Variants in CBX1 observed in about 807,000 individuals in gnomAD.
CBX1 encodes the protein chromobox protein homolog 1.
CBX1 carries 10 observed loss-of-function variants against 25.1 expected under a neutral mutation model. The observed-to-expected ratio is 0.40, with a 90% CI of 0.25 to 0.68. CBX1 has a LOEUF of 0.68. CBX1 is among the 30% of genes least tolerant of loss of function. The pLI is 0.40. For synonymous variants in CBX1, 63 were observed against 79.4 expected (o/e 0.79, Z 1.10); for missense variants, 106 against 218.5 (o/e 0.49, Z 3.25).
intron 1 of CBX1, among the ~76,000 whole-genome samples, chr17:48,087,418 A>G (rs1378810394): frequency 6.7e-6 from 1 of 149,858 alleles, no homozygotes; most frequent in East Asian, 2.0e-4. Flanking sequence ...TACTAAAAAT[A>G]CAAAAATTAG....
rs1017190857 is a variant in CBX1, at chr17:48,101,464, C to G, written c.-234G>C. On this transcript the variant is annotated 5_prime_UTR_variant, in exon 1 of 5. Transcript: ENST00000225603. The stretch of plus-strand genomic sequence containing the variant: ...GAACAAAAGAGCCTCGCAGTCTGCG[C>G]TGCCCGCCGCTCGCACCGCGCAGGC... 1.0e-6 allele frequency: 1 copy of G among 985,572 alleles called. No individual in the cohort carries two copies. The highest frequency in any genetic ancestry group is 1.7e-5 in the African/African-American group (1 of 57,260). 61.1% of individuals were successfully genotyped at this position (985,572 alleles called of 1,614,324 possible).
intron 1 of CBX1, among the ~76,000 whole-genome samples, chr17:48,080,942 A>AT (rs2037726591): frequency 1.0e-4 from 5 of 49,710 alleles, no homozygotes; most frequent in Non-Finnish European, 1.0e-4. Flanking sequence ...AAAAAAAAAA[A>AT]AAAAAAAAAA....
intron 1 of CBX1, among the ~76,000 whole-genome samples, chr17:48,080,314 A>T (rs1420941727): frequency 6.6e-6 from 1 of 152,172 alleles, no homozygotes; most frequent in African/African-American, 2.4e-5. Context: ...TGGAATTAAC[A>T]GGCATGAGCT....
At chr17:48,080,975 TATATATATATATATATATAA>T (rs1170706067) in intron 1 of CBX1, among the ~76,000 whole-genome samples, 2,950 of 82,894 alleles carry the variant, frequency 0.036, 95 homozygotes, top group Middle Eastern at 0.06. Context: ...TATATATATA[TATATATATATATATATATAA>T]AATTTGTCTT....
rs1016015229 is a variant in CBX1 at position 48,101,360 on chromosome 17, A to T, written c.-130T>A. On this transcript the variant is annotated 5_prime_UTR_variant, in exon 1 of 5. Transcript: ENST00000225603. ...CTGGGGGAGTGGCGCCCAGGAAGGC[A>T]GCAAGCCGGGTGGCCGCAGTGGCGT... The T allele has an allele frequency of 5.1e-6, 5 of 985,866 alleles. No homozygotes were observed. The highest frequency in any genetic ancestry group is 6.0e-6 in the Non-Finnish European group (5 of 830,154). The allele number at this position is 985,866 out of a possible 1,614,324, so 61.1% of individuals were successfully genotyped here. A position where few individuals can be genotyped will look rare whatever the true frequency, so the allele number is the denominator to read the frequency against.
chr17:48,079,094 GCT>G (rs2037706809), intron 1 of CBX1, among the ~76,000 whole-genome samples: 1 of 151,122 alleles, frequency 6.6e-6, no homozygotes, highest in African/African-American at 2.4e-5. Flanking sequence ...ACCGAACCCA[GCT>G]CCAGCCCCGG....
intron 1 of CBX1, among the ~76,000 whole-genome samples, chr17:48,085,659 G>A (rs1264275784): frequency 2.6e-5 from 4 of 152,008 alleles, no homozygotes; most frequent in Non-Finnish European, 4.4e-5. Context: ...GGTTTTTAAT[G>A]CCCCAGCAGT....
At chr17:48,079,273 T>C (rs1393744317) in intron 1 of CBX1, among the ~76,000 whole-genome samples, 1 of 151,026 alleles carries the variant, frequency 6.6e-6, no homozygotes, top group Non-Finnish European at 1.5e-5. Flanking sequence ...GCCCAGCTAG[T>C]TTTTGTTTTT....
At chr17:48,082,120 C>T (rs141971134) in intron 1 of CBX1, among the ~76,000 whole-genome samples, 2 of 152,074 alleles carry the variant, frequency 1.3e-5, no homozygotes, top group East Asian at 3.9e-4. Context: ...CTGGGAGGAT[C>T]GCTTAAGCAC....
rs2037611328 is a variant in CBX1, at chr17:48,070,125, G to A, written c.*1310C>T. ...AGTATGAAGTTTACATTTAAACAAA[G>A]TTTACACAGAAATCTAACACATGCC... On this transcript the variant is annotated 3_prime_UTR_variant, in exon 5 of 5. Transcript: ENST00000225603. The A allele has an allele frequency of 6.6e-6, 1 of 152,592 alleles. No individual in the cohort carries two copies. Among genetic ancestry groups the A allele is most frequent in the South Asian group, 2.1e-4 (1 of 4,828 alleles). The allele number at this position is 152,592 out of a possible 1,614,324, so 9.5% of individuals were successfully genotyped here.
At chr17:48,101,059 G>A (rs2063407282) in intron 1 of CBX1, 1 of 985,882 alleles carries the variant, frequency 1.0e-6, no homozygotes, top group African/African-American at 1.7e-5. Context: ...TTCGCGCCCC[G>A]CCCTCTCCAT....
chr17:48,073,443 T>G (rs1245119180), intron 4 of CBX1, among the ~76,000 whole-genome samples: 1 of 152,194 alleles, frequency 6.6e-6, no homozygotes, highest in Non-Finnish European at 1.5e-5. Flanking sequence ...TTTACTACTT[T>G]TAGAAATATA....
intron 1 of CBX1, among the ~76,000 whole-genome samples, chr17:48,097,543 G>T (rs2063382345): frequency 6.6e-6 from 1 of 151,588 alleles, no homozygotes; most frequent in Non-Finnish European, 1.5e-5. Context: ...CTTGAACCTG[G>T]GAGGCGGAGG....
intron 1 of CBX1, among the ~76,000 whole-genome samples, chr17:48,085,057 A>G (rs1375143240): frequency 1.3e-5 from 2 of 152,152 alleles, no homozygotes; most frequent in Non-Finnish European, 2.9e-5. Context: ...TACTTAGCCA[A>G]CTCGTATGGT....
Position 48,074,596 on chromosome 17 carries a change from G to C in CBX1, c.413+410C>G, listed in dbSNP as rs112977072. Among the ~76,000 whole-genome samples, 500 of 152,002 alleles carry C rather than the reference G, an allele frequency of 3.3e-3. 7 individuals are homozygous for C. The highest frequency in any genetic ancestry group is 0.012 in the African/African-American group (488 of 41,460). On this transcript the variant is annotated intron_variant, in intron 4 of 4. Transcript: ENST00000225603. ...ATCCAACAATTAAGGACAAAAGGAA[G>C]AACTACAGATTCTTTCCTAACCCTG...
chr17:48,077,434 T>G lies in CBX1; in HGVS notation c.-37-393A>C, dbSNP rs796614043. Among the ~76,000 whole-genome samples the G allele has an allele frequency of 3.4e-4, 5 of 14,498 alleles. 1 individual carries two copies. The highest frequency in any genetic ancestry group is 1.0e-3 in the Admixed American group (1 of 996). The allele number at this position is 14,498 out of a possible 152,430, so 9.5% of individuals were successfully genotyped here. A position where few individuals can be genotyped will look rare whatever the true frequency, so the allele number is the denominator to read the frequency against. On this transcript the variant is annotated intron_variant, in intron 1 of 4. Coordinates refer to ENST00000225603, the MANE Select transcript of CBX1 (RefSeq NM_001127228.2). ...CACCAAGCCCAGCTAATTTTTGTTGTTTTTTTTTTTGTTTTTTTTGTTTTT... is the reference window on the plus strand; with the variant it reads ...CACCAAGCCCAGCTAATTTTTGTTGGTTTTTTTTTTGTTTTTTTTGTTTTT...
intron 1 of CBX1, 55 bp downstream of exon 1, chr17:48,101,213 G>A: frequency 1.0e-6 from 1 of 985,644 alleles, no homozygotes; most frequent in Non-Finnish European, 1.2e-6. Flanking sequence ...GGCTCCCGCC[G>A]CCGCCGCCGC....
intron 1 of CBX1, chr17:48,095,740 A>G (rs1418058179): frequency 6.6e-6 from 1 of 152,236 alleles, no homozygotes; most frequent in Non-Finnish European, 1.5e-5. Context: ...AGGTGAAGGC[A>G]TGTGTAGTAT....
chr17:48,079,278 G>GT (rs1428082565), intron 1 of CBX1, among the ~76,000 whole-genome samples: 2 of 148,398 alleles, frequency 1.3e-5, no homozygotes, highest in Non-Finnish European at 3.0e-5. Context: ...GCTAGTTTTT[G>GT]TTTTTTTAGT....
Sources: allele counts gnomAD v4.1 joint callset (sites outside exome capture counted in the v4.1 genomes callset), GRCh38; gene constraint gnomAD v4.1.1; transcripts MANE v1.5; gene names NCBI Gene and HGNC (gene_info 2026-07-23, HGNC 2026-07-21).